ATAD3A: variants seen among roughly 807,000 people sequenced by gnomAD.
ATAD3A encodes ATPase family AAA domain containing 3A, also known as ATPase family AAA domain-containing protein 3A.
In ATAD3A, 46 loss-of-function variants were observed where a neutral mutation model predicts 73.8. The ratio of observed to expected loss-of-function variants is 0.62; its 90% CI spans 0.49 to 0.80. The LOEUF (loss-of-function observed/expected upper bound fraction) is 0.80, where lower values mean the gene tolerates loss of function less well. Ranked by LOEUF, ATAD3A falls within the 30% of genes least tolerant of loss-of-function variation. The pLI is 0.00. For synonymous variants in ATAD3A, 319 were observed against 350.0 expected (o/e 0.91, Z 0.99); for missense variants, 705 against 838.0 (o/e 0.84, Z 1.96).
rs1472104962 is a variant in ATAD3A at position 1,526,529 on chromosome 1, C to T, written c.1335C>T (p.Asn445=). Residue 445 remains asparagine (N), a splice_region_variant and synonymous_variant, in exon 13 of 16, where the codon AAC becomes AAT. Coordinates refer to ENST00000378756, the MANE Select transcript of ATAD3A (RefSeq NM_001170535.3). ...TGTACCGCACGGGCCAGCACAGCAA[C>T]AAGTGAGGGAGCCCCTCGGGTCCTG... is the stretch of plus-strand genomic sequence containing the variant. ...AFLYRTGQHS[N]KFMLVLASNQ... 6 of 1,612,434 alleles carry T rather than the reference C, an allele frequency of 3.7e-6. No homozygotes were observed. Among genetic ancestry groups the T allele is most frequent in the Non-Finnish European group, 4.2e-6 (5 of 1,179,704 alleles).
At chr1:1,530,063 A>T (rs184544171) in intron 15 of ATAD3A, among the ~76,000 whole-genome samples, 12 of 152,350 alleles carry the variant, frequency 7.9e-5, no homozygotes, top group Admixed American at 5.2e-4. Context: ...TTAATGAAGC[A>T]GCCGAGTACC....
intron 4 of ATAD3A, among the ~76,000 whole-genome samples, chr1:1,518,686 CA>C (rs1557461009): frequency 6.1e-4 from 73 of 119,816 alleles, no homozygotes; most frequent in East Asian, 1.6e-3. Context: ...CACACACACA[CA>C]CACCCAAACG....
intron 14 of ATAD3A, among the ~76,000 whole-genome samples, chr1:1,528,850 C>T (rs1484890253): frequency 6.6e-6 from 1 of 152,246 alleles, no homozygotes; most frequent in Non-Finnish European, 1.5e-5. Context: ...GGCTCCCCCA[C>T]CCCCATGGCT....
Position 1,530,849 on chromosome 1 carries a change from A to C in ATAD3A, c.1614+1518A>C, listed in dbSNP as rs1261329680. 5.1e-5 allele frequency among the ~76,000 whole-genome samples: 5 copies of C among 98,662 alleles called. 1 individual carries two copies. The highest frequency in any genetic ancestry group is 3.1e-4 in the African/African-American group (2 of 6,480). The allele number at this position is 98,662 out of a possible 152,430, so 64.7% of individuals were successfully genotyped here. On this transcript the variant is annotated intron_variant, in intron 15 of 15. Transcript: ENST00000378756. ...GTCTCAAAAAAAAAAAAAAAAAAAAAAAAAAACTAAGAATAATTTGGAACG... is the reference window on the plus strand; with the variant it reads ...GTCTCAAAAAAAAAAAAAAAAAAAACAAAAAACTAAGAATAATTTGGAACG...
intron 12 of ATAD3A, among the ~76,000 whole-genome samples, chr1:1,525,892 G>C (rs1405619451): frequency 1.3e-5 from 2 of 152,156 alleles, no homozygotes; most frequent in East Asian, 3.9e-4. Flanking sequence ...AATTTTAGTA[G>C]AGATGGAGTT....
At chr1:1,524,436 C>G (rs750535960) in intron 11 of ATAD3A, 39 bp downstream of exon 11, 4 of 1,556,538 alleles carry the variant, frequency 2.6e-6, no homozygotes, top group Non-Finnish European at 3.5e-6. Context: ...CCCTTGGCTG[C>G]GGCCCAGCAG....
Position 1,534,195 on chromosome 1 carries a change from G to A in ATAD3A, c.*123G>A. 1 of 1,553,170 alleles carries A rather than the reference G, an allele frequency of 6.4e-7. No homozygotes were observed. Among genetic ancestry groups the A allele is most frequent in the Non-Finnish European group, 8.7e-7 (1 of 1,149,822 alleles). On this transcript the variant is annotated 3_prime_UTR_variant, in exon 16 of 16. Coordinates refer to ENST00000378756, the MANE Select transcript of ATAD3A (RefSeq NM_001170535.3). The stretch of plus-strand genomic sequence containing the variant: ...GGACTGGGCTGTGCCCAGGGCCTCT[G>A]TCCCCCAGGATGTCTTGTGGTGCGG...
chr1:1,513,546 C>G (rs1641265055), intron 1 of ATAD3A, among the ~76,000 whole-genome samples: 1 of 152,010 alleles, frequency 6.6e-6, no homozygotes, highest in Non-Finnish European at 1.5e-5. Context: ...GGGCCCGGGG[C>G]AGGGTCTCCA....
chr1:1,523,740 C>G lies in ATAD3A; in HGVS notation c.964-99C>G. On this transcript the variant is annotated intron_variant, in intron 9 of 15. Coordinates refer to ENST00000378756, the MANE Select transcript of ATAD3A (RefSeq NM_001170535.3). This position sits in a 1 kb window ranked among gnomAD's most constrained non-coding sequence, Gnocchi z 5.1. Reference sequence around the variant, plus strand: ...GCTGCCCCTGAGGTGGGAGGCTTCCCGAGGAGCCGAGTCTGCACCCAGGCA... The same window carrying G: ...GCTGCCCCTGAGGTGGGAGGCTTCCGGAGGAGCCGAGTCTGCACCCAGGCA... The G allele has an allele frequency of 1.3e-6, 2 of 1,591,654 alleles. No individual in the cohort carries two copies. The highest frequency in any genetic ancestry group is 1.7e-6 in the Non-Finnish European group (2 of 1,167,698).
At chr1:1,524,001 G>T (rs112892832) in intron 10 of ATAD3A, 37 bp downstream of exon 10, 12 of 1,612,954 alleles carry the variant, frequency 7.4e-6, no homozygotes, top group Non-Finnish European at 1.0e-5. Context: ...GCCAGGGGCC[G>T]CTGGGGTCTC....
chr1:1,534,204 G>C lies in ATAD3A; in HGVS notation c.*132G>C, dbSNP rs986873497. 3 of 1,539,684 alleles carry C rather than the reference G, an allele frequency of 1.9e-6. No individual in the cohort carries two copies. In the East Asian group the frequency reaches 7.5e-5, roughly 38 times the overall value. On this transcript the variant is annotated 3_prime_UTR_variant, in exon 16 of 16. Coordinates refer to ENST00000378756, the MANE Select transcript of ATAD3A (RefSeq NM_001170535.3). ...TGTGCCCAGGGCCTCTGTCCCCCAG[G>C]ATGTCTTGTGGTGCGGGTCGGCCGT...
intron 14 of ATAD3A, among the ~76,000 whole-genome samples, chr1:1,528,167 T>G (rs1433440291): frequency 2.0e-5 from 3 of 152,118 alleles, no homozygotes; most frequent in Non-Finnish European, 2.9e-5. Context: ...TTTACCATGT[T>G]GGCCAGGTTC....
chr1:1,523,577 T>C lies in ATAD3A; in HGVS notation c.963+10T>C, dbSNP rs1349522912. Reference sequence around the variant, plus strand: ...GGGTGTTGTGCTCAGTGTAAGTCGGTGTGCCTGGGACCGGGGAGGCGCAGG... The same window carrying C: ...GGGTGTTGTGCTCAGTGTAAGTCGGCGTGCCTGGGACCGGGGAGGCGCAGG... On this transcript the variant is annotated intron_variant, in intron 9 of 15. Transcript: ENST00000378756. This position sits in a 1 kb window ranked among gnomAD's most constrained non-coding sequence, Gnocchi z 5.1. 2 of 1,612,794 alleles carry C rather than the reference T, an allele frequency of 1.2e-6. No homozygotes were observed. The highest frequency in any genetic ancestry group is 2.2e-5 in the East Asian group (1 of 44,868).
At position 1,526,480 on chromosome 1, in the gene ATAD3A, T is replaced by G; in HGVS notation, c.1286T>G (p.Leu429Arg). ...CTGCAGGAGAAGATAAGCGAGGACC[T>G]CAGGGCCACACTGAACGCCTTCCTG... is the stretch of plus-strand genomic sequence containing the variant. ...KRATEKISED[L>R]RATLNAFLYR... is the part of the protein sequence containing the mutation. Residue 429 changes from leucine (L) to arginine (R), a missense_variant, in exon 13 of 16, where the codon CTC becomes CGC. Coordinates refer to ENST00000378756, the MANE Select transcript of ATAD3A (RefSeq NM_001170535.3). The G allele has an allele frequency of 6.2e-7, 1 of 1,612,610 alleles. No homozygotes were observed. The highest frequency in any genetic ancestry group is 8.5e-7 in the Non-Finnish European group (1 of 1,179,520).
intron 14 of ATAD3A, 129 bp downstream of exon 14, chr1:1,527,991 T>C: frequency 8.4e-7 from 1 of 1,186,322 alleles, no homozygotes; most frequent in East Asian, 2.7e-5. Context: ...CAAAGTCTCA[T>C]TCTTGTCGCC....
At position 1,523,530 on chromosome 1, in the gene ATAD3A, G is replaced by T; in HGVS notation, c.926G>T (p.Ser309Ile). 1.2e-6 allele frequency: 2 copies of T among 1,612,958 alleles called. No homozygotes were observed. Among genetic ancestry groups the T allele is most frequent in the Non-Finnish European group, 1.7e-6 (2 of 1,179,658 alleles). The change falls in exon 9 of 16, where the codon AGT becomes ATT. Residue 309 changes from serine (S) to isoleucine (I), a missense_variant. Around this residue, in one of 5 missense-constraint regions of ATAD3A, gnomAD observed 315 missense variants for 334.1 expected, o/e 0.94. Transcript: ENST00000378756. The surrounding 1 kb of genome is among the most constrained non-coding windows in gnomAD (Gnocchi z 5.1). The part of the protein sequence containing the change: ...HPIQVSRRLL[S>I]RPQDALEGVV... Reference sequence around the variant, plus strand: ...CGGCAGGTCAGCCGGCGGCTCCTCAGTCGACCCCAGGACGCGCTGGAGGGT... The same window carrying T: ...CGGCAGGTCAGCCGGCGGCTCCTCATTCGACCCCAGGACGCGCTGGAGGGT...
At chr1:1,522,568 C>T (rs1424879586) in intron 7 of ATAD3A, among the ~76,000 whole-genome samples, 176 bp from the exon 8 acceptor site, 1 of 152,246 alleles carries the variant, frequency 6.6e-6, no homozygotes, top group Non-Finnish European at 1.5e-5. Context: ...CACCTGCCTC[C>T]TGTAACCGCG....
At chr1:1,525,158 C>A in intron 11 of ATAD3A, 82 bp from the exon 12 acceptor site, 1 of 1,587,262 alleles carries the variant, frequency 6.3e-7, no homozygotes, top group Non-Finnish European at 8.6e-7. Flanking sequence ...GCCTGCTTGG[C>A]CTGCTCCTGC....
chr1:1,533,795 G>A (rs1642117511), intron 15 of ATAD3A, 131 bp from the exon 16 acceptor site: 1 of 1,295,382 alleles, frequency 7.7e-7, no homozygotes, highest in Admixed American at 2.6e-5. Flanking sequence ...CGAGGTGCGG[G>A]AAGCCTGTGT....
Sources: allele counts gnomAD v4.1 joint callset (sites outside exome capture counted in the v4.1 genomes callset), GRCh38; gene constraint gnomAD v4.1.1; regional missense constraint gnomAD v4.1.1; non-coding constraint Gnocchi (gnomAD v3.1); transcripts MANE v1.5; gene names NCBI Gene and HGNC (gene_info 2026-07-23, HGNC 2026-07-21).